DACH1: variants seen among roughly 807,000 people sequenced by gnomAD.
DACH1 encodes the protein dachshund family transcription factor 1, also known as dachshund homolog 1.
In DACH1, 12 loss-of-function variants were observed where a neutral mutation model predicts 54.2. That is an observed-to-expected ratio of 0.22 (90% CI 0.14 to 0.36). The LOEUF is 0.36. Among genes scored for constraint, DACH1 ranks in the 10% least tolerant of loss-of-function variants. The pLI is 1.00. For missense variants in DACH1, 805 were observed against 929.8 expected (o/e 0.87, Z 1.75); for synonymous variants, 386 against 366.2 (o/e 1.05, Z -0.62).
chr13:71,847,371 A>G (rs1026655886), intron 1 of DACH1, among the ~76,000 whole-genome samples: 1 of 152,180 alleles, frequency 6.6e-6, no homozygotes, highest in Non-Finnish European at 1.5e-5. Flanking sequence ...AATTCTTATA[A>G]GTCTATTGCA....
At chr13:71,733,819 A>G (rs1278322420) in intron 1 of DACH1, among the ~76,000 whole-genome samples, 1 of 152,114 alleles carries the variant, frequency 6.6e-6, no homozygotes, top group African/African-American at 2.4e-5. Flanking sequence ...TTTGGTTCAT[A>G]AAAATTATTT....
intron 10 of DACH1, among the ~76,000 whole-genome samples, 193 bp downstream of exon 10, chr13:71,474,948 G>T (rs917234852): frequency 5.9e-5 from 9 of 152,122 alleles, no homozygotes; most frequent in Non-Finnish European, 8.8e-5. Context: ...AAACAGAGAT[G>T]ACCTGTTAAT....
intron 1 of DACH1, among the ~76,000 whole-genome samples, chr13:71,783,294 A>T (rs1886459350): frequency 6.6e-6 from 1 of 152,214 alleles, no homozygotes; most frequent in African/African-American, 2.4e-5. Flanking sequence ...CTGGCTAATC[A>T]CTATCAAGTT....
At chr13:71,550,921 G>T (rs1365453378) in intron 6 of DACH1, among the ~76,000 whole-genome samples, 1 of 152,118 alleles carries the variant, frequency 6.6e-6, no homozygotes, top group Non-Finnish European at 1.5e-5. Flanking sequence ...GATGGTATAA[G>T]TAAAGGAGAA....
At chr13:71,552,198 T>A (rs1388957134) in intron 6 of DACH1, among the ~76,000 whole-genome samples, 1 of 152,146 alleles carries the variant, frequency 6.6e-6, no homozygotes, top group African/African-American at 2.4e-5. Flanking sequence ...AAGAGAGCGA[T>A]TGATTTGCAT....
intron 6 of DACH1, among the ~76,000 whole-genome samples, chr13:71,504,507 C>T (rs372310373): frequency 2.5e-3 from 384 of 152,140 alleles, no homozygotes; most frequent in African/African-American, 8.9e-3. Context: ...GAAGATAACA[C>T]GTTAGGAGGA....
intron 2 of DACH1, among the ~76,000 whole-genome samples, chr13:71,634,252 C>T (rs1198091718): frequency 6.6e-6 from 1 of 152,098 alleles, no homozygotes; most frequent in East Asian, 1.9e-4. Flanking sequence ...GGATTACAGG[C>T]ATGAGCCACG....
intron 2 of DACH1, among the ~76,000 whole-genome samples, chr13:71,656,921 C>CACATATATATATATAT (rs1879130512): frequency 2.4e-5 from 2 of 83,424 alleles, no homozygotes; most frequent in Admixed American, 1.1e-4. Flanking sequence ...GTTCTTCTTT[C>CACATATATATATATAT]ATATATATAT....
At chr13:71,645,019 C>T (rs1252740307) in intron 2 of DACH1, among the ~76,000 whole-genome samples, 1 of 152,082 alleles carries the variant, frequency 6.6e-6, no homozygotes, top group African/African-American at 2.4e-5. Flanking sequence ...ATTAAGGATA[C>T]AAACACGGTG....
Position 71,866,864 on chromosome 13 carries a change from G to T in DACH1, c.-95C>A. The T allele has an allele frequency of 2.4e-6, 2 of 844,918 alleles. No homozygotes were observed. Among genetic ancestry groups the T allele is most frequent in the Non-Finnish European group, 3.0e-6 (2 of 662,660 alleles). The allele number at this position is 844,918 out of a possible 1,614,324, so 52.3% of individuals were successfully genotyped here. On this transcript the variant is annotated 5_prime_UTR_variant, in exon 1 of 11. Coordinates refer to ENST00000613252, the MANE Select transcript of DACH1 (RefSeq NM_080759.6). The stretch of plus-strand genomic sequence containing the variant: ...AAGGGGAAAAAAGGGGGGAGAAGGA[G>T]CGAGGGGGGCAACAACAACTCCGGG...
At chr13:71,860,456 C>CTTTT (rs35326383) in intron 1 of DACH1, among the ~76,000 whole-genome samples, 1 of 136,128 alleles carries the variant, frequency 7.3e-6, no homozygotes, top group East Asian at 2.1e-4. Flanking sequence ...CTTAATGTGA[C>CTTTT]TTTTTTTTTT....
chr13:71,481,047 A>T (rs549880189), intron 7 of DACH1, among the ~76,000 whole-genome samples: 87 of 152,116 alleles, frequency 5.7e-4, no homozygotes, highest in Non-Finnish European at 1.0e-3. Context: ...CTTCGTCAGG[A>T]ACAAACAATT....
rs149548480 is a variant in DACH1, at chr13:71,588,733, A to G, written c.1127-15721T>C. Among the ~76,000 whole-genome samples the G allele has an allele frequency of 8.3e-4, 124 of 149,764 alleles. No individual in the cohort carries two copies. In the East Asian group the frequency reaches 0.024, roughly 29 times the overall value. ...ACCAATTCTTACAATAGAAACACTA[A>G]GCCATTAAATGAGATTAGTAAATCA... On this transcript the variant is annotated intron_variant, in intron 3 of 10. Transcript: ENST00000613252.
chr13:71,591,411 T>A (rs747722814), intron 3 of DACH1, among the ~76,000 whole-genome samples: 44 of 152,318 alleles, frequency 2.9e-4, no homozygotes, highest in Admixed American at 5.9e-4. Flanking sequence ...TTATAAATAG[T>A]TACCACATTA....
chr13:71,696,047 G>A (rs1255380149), intron 1 of DACH1, among the ~76,000 whole-genome samples: 3 of 152,066 alleles, frequency 2.0e-5, no homozygotes, highest in Non-Finnish European at 2.9e-5. Flanking sequence ...TATCAAGATA[G>A]GGATGAAAAA....
At chr13:71,526,228 T>C (rs1315893170) in intron 6 of DACH1, among the ~76,000 whole-genome samples, 4 of 152,166 alleles carry the variant, frequency 2.6e-5, no homozygotes. Context: ...TGATATTACA[T>C]GCAAAATGCA....
At chr13:71,693,055 T>C (rs1449935651) in intron 1 of DACH1, among the ~76,000 whole-genome samples, 1 of 152,112 alleles carries the variant, frequency 6.6e-6, no homozygotes, top group African/African-American at 2.4e-5. Context: ...ATCTTAATCT[T>C]AATCAAAATT....
At chr13:71,450,351 A>G (rs1593712014) in intron 10 of DACH1, among the ~76,000 whole-genome samples, 1 of 152,044 alleles carries the variant, frequency 6.6e-6, no homozygotes, top group Non-Finnish European at 1.5e-5. Context: ...GTGATCAATG[A>G]TCTTTGATGT....
At chr13:71,506,526 C>T (rs1880339708) in intron 6 of DACH1, among the ~76,000 whole-genome samples, 1 of 151,742 alleles carries the variant, frequency 6.6e-6, no homozygotes. Flanking sequence ...TTTCTTAATC[C>T]AGTCTATCAT....
Sources: allele counts gnomAD v4.1 joint callset (sites outside exome capture counted in the v4.1 genomes callset), GRCh38; gene constraint gnomAD v4.1.1; transcripts MANE v1.5; gene names NCBI Gene and HGNC (gene_info 2026-07-23, HGNC 2026-07-21).